NCAM2: variants seen among roughly 807,000 people sequenced by gnomAD.
The protein encoded by NCAM2 is neural cell adhesion molecule 2, also known as N-CAM-2.
In NCAM2, 30 loss-of-function variants were observed where a neutral mutation model predicts 98.1. The observed-to-expected ratio is 0.31, with a 90% CI of 0.23 to 0.41. The LOEUF is 0.41. Ranked by LOEUF, NCAM2 falls within the 10% of genes least tolerant of loss-of-function variation. The pLI, the probability that NCAM2 is intolerant of heterozygous loss-of-function variation, is 1.00. For synonymous variants in NCAM2, 368 were observed against 342.4 expected, an observed-to-expected ratio of 1.07 and a Z score of -0.83; for missense variants, 867 against 1,005.8, an observed-to-expected ratio of 0.86 and a Z score of 1.87.
intron 9 of NCAM2, among the ~76,000 whole-genome samples, chr21:21,380,923 T>C (rs766252993): frequency 7.9e-5 from 12 of 152,196 alleles, no homozygotes; most frequent in Non-Finnish European, 1.3e-4. Flanking sequence ...TCTCTGCTGA[T>C]CTCTCACTTG....
At chr21:21,272,357 G>A (rs962115813) in intron 1 of NCAM2, among the ~76,000 whole-genome samples, 1 of 152,150 alleles carries the variant, frequency 6.6e-6, no homozygotes, top group Non-Finnish European at 1.5e-5. Flanking sequence ...GCAATGGTTA[G>A]CATCTGGAAG....
At chr21:21,109,594 C>T (rs2066415251) in intron 1 of NCAM2, among the ~76,000 whole-genome samples, 1 of 152,050 alleles carries the variant, frequency 6.6e-6, no homozygotes, top group Non-Finnish European at 1.5e-5. Context: ...AGTGGAAATG[C>T]CATTTCCACC....
At chr21:21,333,783 G>A (rs2074779596) in intron 6 of NCAM2, among the ~76,000 whole-genome samples, 1 of 151,704 alleles carries the variant, frequency 6.6e-6, no homozygotes, top group South Asian at 2.1e-4. Context: ...GGAAACAAAT[G>A]AATAATTTTC....
chr21:21,361,600 C>T (rs1455487043), intron 8 of NCAM2, among the ~76,000 whole-genome samples: 1 of 152,016 alleles, frequency 6.6e-6, no homozygotes, highest in Non-Finnish European at 1.5e-5. Flanking sequence ...TTGGTGATTT[C>T]ATCTAGTCTT....
At chr21:21,074,962 A>G (rs1036416803) in intron 1 of NCAM2, among the ~76,000 whole-genome samples, 3 of 152,206 alleles carry the variant, frequency 2.0e-5, no homozygotes, top group Non-Finnish European at 2.9e-5. Context: ...GATAAAGAGG[A>G]TAAAGAAAAT....
intron 1 of NCAM2, among the ~76,000 whole-genome samples, chr21:21,014,142 A>G (rs1341116326): frequency 6.6e-6 from 1 of 152,186 alleles, no homozygotes; most frequent in Non-Finnish European, 1.5e-5. Flanking sequence ...TTATAGTCCT[A>G]GCGTCCTTAA....
intron 15 of NCAM2, among the ~76,000 whole-genome samples, chr21:21,496,985 A>G (rs115570278): frequency 7.2e-4 from 109 of 152,212 alleles, no homozygotes; most frequent in African/African-American, 2.5e-3. Flanking sequence ...GGTAGATTGT[A>G]TAAAGAAAAT....
At chr21:21,378,654 T>C (rs993045139) in intron 9 of NCAM2, among the ~76,000 whole-genome samples, 1 of 152,112 alleles carries the variant, frequency 6.6e-6, no homozygotes, top group African/African-American at 2.4e-5. Flanking sequence ...TGGCATACAT[T>C]CGCATGTATA....
intron 16 of NCAM2, among the ~76,000 whole-genome samples, chr21:21,526,930 A>AT (rs1057451209): frequency 1.3e-5 from 2 of 152,104 alleles, no homozygotes; most frequent in African/African-American, 4.8e-5. Context: ...CATAAGAAAA[A>AT]ATATATCTAG....
chr21:21,081,756 T>A (rs141573445), intron 1 of NCAM2, among the ~76,000 whole-genome samples: 240 of 151,354 alleles, frequency 1.6e-3, no homozygotes, highest in Middle Eastern at 0.01. Context: ...AGCCGAGATC[T>A]TGCCACTGCA....
rs145248431 is a variant in NCAM2, at chr21:21,474,228, A to G, written c.1897-3063A>G. Among the ~76,000 whole-genome samples the G allele has an allele frequency of 4.2e-3, 634 of 152,076 alleles. 8 individuals carry two copies. Among genetic ancestry groups the G allele is most frequent in the African/African-American group, 0.014 (598 of 41,480 alleles). On this transcript the variant is annotated intron_variant, in intron 14 of 17. Coordinates refer to ENST00000400546, the MANE Select transcript of NCAM2 (RefSeq NM_004540.5). Reference sequence around the variant, plus strand: ...AGGGGATTAAAATGCCTTCTTGCCTAATGTTGAAAGGAAAATGTAATTGAT... The same window carrying G: ...AGGGGATTAAAATGCCTTCTTGCCTGATGTTGAAAGGAAAATGTAATTGAT...
At chr21:21,263,311 A>G (rs1427029385) in intron 1 of NCAM2, among the ~76,000 whole-genome samples, 2 of 152,134 alleles carry the variant, frequency 1.3e-5, no homozygotes, top group African/African-American at 2.4e-5. Flanking sequence ...AACCAAGGAA[A>G]TGAAAGATCT....
chr21:21,058,669 A>T lies in NCAM2; in HGVS notation c.55+60051A>T, dbSNP rs1002477917. 2.3e-4 allele frequency among the ~76,000 whole-genome samples: 33 copies of T among 144,878 alleles called. No individual in the cohort carries two copies. The East Asian group carries it at 5.8e-3, about 26-fold the overall frequency. Reference sequence around the variant, plus strand: ...AGACTTGCATTAAAATTCACACAGGATTTTTTTTTTTTTTTATTCATTGTA... The same window carrying T: ...AGACTTGCATTAAAATTCACACAGGTTTTTTTTTTTTTTTTATTCATTGTA... On this transcript the variant is annotated intron_variant, in intron 1 of 17. Coordinates refer to ENST00000400546, the MANE Select transcript of NCAM2 (RefSeq NM_004540.5).
chr21:21,147,782 G>GTA (rs2067327510), intron 1 of NCAM2, among the ~76,000 whole-genome samples: 1 of 135,080 alleles, frequency 7.4e-6, no homozygotes, highest in Admixed American at 8.3e-5. Context: ...GCACTGGTGT[G>GTA]TATATATATA....
At chr21:21,452,200 A>T (rs1382059934) in intron 12 of NCAM2, among the ~76,000 whole-genome samples, 1 of 104,826 alleles carries the variant, frequency 9.5e-6, no homozygotes, top group Non-Finnish European at 2.3e-5. Flanking sequence ...ACACACATAG[A>T]TGTATGTACA....
chr21:21,025,022 C>A (rs1326582998), intron 1 of NCAM2, among the ~76,000 whole-genome samples: 3 of 151,964 alleles, frequency 2.0e-5, no homozygotes, highest in African/African-American at 7.2e-5. Flanking sequence ...TGTTTGCATT[C>A]TTTCCTCTAA....
chr21:21,343,041 A>G (rs2075088280), intron 8 of NCAM2, among the ~76,000 whole-genome samples: 1 of 152,170 alleles, frequency 6.6e-6, no homozygotes, highest in African/African-American at 2.4e-5. Context: ...AATTTAAATT[A>G]TATTTCCATT....
At chr21:21,066,207 T>C (rs1176908198) in intron 1 of NCAM2, among the ~76,000 whole-genome samples, 2 of 152,242 alleles carry the variant, frequency 1.3e-5, no homozygotes, top group Non-Finnish European at 2.9e-5. Context: ...TTTATCATTT[T>C]CTTACAAATG....
At chr21:21,465,269 A>G (rs977993602) in intron 12 of NCAM2, among the ~76,000 whole-genome samples, 1 of 151,984 alleles carries the variant, frequency 6.6e-6, no homozygotes, top group Non-Finnish European at 1.5e-5. Flanking sequence ...ATGTGATAAT[A>G]TAGATTAAAT....
Sources: allele counts gnomAD v4.1 joint callset (sites outside exome capture counted in the v4.1 genomes callset), GRCh38; gene constraint gnomAD v4.1.1; transcripts MANE v1.5; gene names NCBI Gene and HGNC (gene_info 2026-07-23, HGNC 2026-07-21).